Variants in BLZF1 observed in about 807,000 individuals in gnomAD.
The protein encoded by BLZF1 is basic leucine zipper nuclear factor 1.
BLZF1 carries 39 observed loss-of-function variants against 43.8 expected under a neutral mutation model. That is an observed-to-expected ratio of 0.89 (90% CI 0.69 to 1.16). The LOEUF (loss-of-function observed/expected upper bound fraction) is 1.16, where lower values mean the gene tolerates loss of function less well. BLZF1 is among the 50% of genes most tolerant of loss of function. The pLI is 0.00. For missense variants in BLZF1, 449 were observed against 469.8 expected (o/e 0.96, Z 0.41); for synonymous variants, 136 against 159.4 (o/e 0.85, Z 1.11).
chr1:169,385,480 T>C (rs1274326630), intron 6 of BLZF1, among the ~76,000 whole-genome samples: 2 of 152,160 alleles, frequency 1.3e-5, no homozygotes, highest in Non-Finnish European at 2.9e-5. Flanking sequence ...ACAGAAACCT[T>C]TCTGTTCATA....
At position 169,387,538 on chromosome 1, in the gene BLZF1, C is replaced by G. The variant is rs1654711364; in HGVS notation, c.*356C>G. ...TATGAACAGTGTTAATTTAGATGCA[C>G]TAAAGCAAAGGTAGGCAAACTACAA... On this transcript the variant is annotated 3_prime_UTR_variant, in exon 7 of 7. Coordinates refer to ENST00000367808, the MANE Select transcript of BLZF1 (RefSeq NM_001320973.2). 6.0e-6 allele frequency: 1 copy of G among 168,012 alleles called. No individual in the cohort carries two copies. Among genetic ancestry groups the G allele is most frequent in the Middle Eastern group, 2.7e-3 (1 of 370 alleles). 10.4% of individuals were successfully genotyped at this position (168,012 alleles called of 1,614,324 possible). A position where few individuals can be genotyped will look rare whatever the true frequency, so the allele number is the denominator to read the frequency against.
chr1:169,378,271 T>G lies in BLZF1; in HGVS notation c.469-59T>G, dbSNP rs928360694. On this transcript the variant is annotated intron_variant, in intron 3 of 6. Coordinates refer to ENST00000367808, the MANE Select transcript of BLZF1 (RefSeq NM_001320973.2). ...ACACAGTCTCTTTTTGTTAATTTTGTTACATTAAAGTTAGTGATATTACTT... is the reference window on the plus strand; with the variant it reads ...ACACAGTCTCTTTTTGTTAATTTTGGTACATTAAAGTTAGTGATATTACTT... 2.0e-6 allele frequency: 3 copies of G among 1,496,802 alleles called. No homozygotes were observed. The African/African-American group carries it at 4.2e-5, about 21-fold the overall frequency. 92.7% of individuals were successfully genotyped at this position (1,496,802 alleles called of 1,614,324 possible).
intron 2 of BLZF1, among the ~76,000 whole-genome samples, chr1:169,376,318 C>G (rs888034933): frequency 6.6e-6 from 1 of 152,012 alleles, no homozygotes; most frequent in Non-Finnish European, 1.5e-5. Context: ...AAGTAAAAGT[C>G]AGAACCAAAT....
intron 4 of BLZF1, among the ~76,000 whole-genome samples, chr1:169,379,964 T>C (rs377098544): frequency 6.6e-6 from 1 of 151,956 alleles, no homozygotes; most frequent in East Asian, 1.9e-4. Flanking sequence ...CATGTATATG[T>C]TGAAATATAC....
chr1:169,372,033 G>T (rs1557845561), intron 2 of BLZF1, among the ~76,000 whole-genome samples: 2 of 152,160 alleles, frequency 1.3e-5, no homozygotes, highest in Non-Finnish European at 2.9e-5. Flanking sequence ...TAGAGATGCA[G>T]TATGCAACAT....
intron 4 of BLZF1, 76 bp downstream of exon 4, chr1:169,378,605 T>A: frequency 7.1e-7 from 1 of 1,401,306 alleles, no homozygotes; most frequent in Non-Finnish European, 9.9e-7. Flanking sequence ...CACAAGAAAG[T>A]AGATTGTAGT....
chr1:169,377,465 G>A (rs1654396173), intron 3 of BLZF1: 1 of 153,214 alleles, frequency 6.5e-6, no homozygotes, highest in Non-Finnish European at 1.5e-5. Context: ...AGTAAAAATT[G>A]CCTTGCCCCT....
intron 6 of BLZF1, among the ~76,000 whole-genome samples, 169 bp downstream of exon 6, chr1:169,382,450 T>C (rs1475438762): frequency 1.3e-5 from 2 of 152,156 alleles, no homozygotes. Flanking sequence ...TTCTGCGCTT[T>C]AATATTTTCT....
In BLZF1 at chr1:169,378,354, CTG is replaced by C. The variant is rs754776608; in HGVS notation, c.494_495del (p.Leu165ArgfsTer7). Reference sequence around the variant, plus strand: ...GGTAAATCGTGAGTTAAAAAAGTTACTGGTGGCTTCTGTTGGGGATGATCTTC... The same window carrying C: ...GGTAAATCGTGAGTTAAAAAAGTTACGTGGCTTCTGTTGGGGATGATCTTC... The part of the protein sequence containing the change: ...TEVNRELKKL[L>X]VASVGDDLQY... On this transcript the variant is annotated frameshift_variant, in exon 4 of 7. Coordinates refer to ENST00000367808, the MANE Select transcript of BLZF1 (RefSeq NM_001320973.2). LOFTEE classifies it high-confidence loss of function. The C allele has an allele frequency of 1.5e-5, 24 of 1,612,460 alleles. No homozygotes were observed. The highest frequency in any genetic ancestry group is 8.5e-6 in the Non-Finnish European group (10 of 1,178,960).
Position 169,378,715 on chromosome 1 carries a change from T to C in BLZF1, c.668+186T>C, listed in dbSNP as rs116479321. On this transcript the variant is annotated intron_variant, in intron 4 of 6. Transcript: ENST00000367808. ...AGTCTCCCTAAATGAAGAAGTGATA[T>C]AAGGATCATCCCTTATTCCTGAGTT... Among the ~76,000 whole-genome samples the C allele has an allele frequency of 9.1e-4, 138 of 152,082 alleles. 1 individual carries two copies. The highest frequency in any genetic ancestry group is 3.2e-3 in the African/African-American group (131 of 41,524).
chr1:169,368,604 G>A (rs1163120219), intron 1 of BLZF1, among the ~76,000 whole-genome samples: 5 of 152,140 alleles, frequency 3.3e-5, no homozygotes, highest in African/African-American at 9.7e-5. Flanking sequence ...TTGCCAGCAG[G>A]CACTCGCTGT....
At chr1:169,386,461 C>T (rs1654670316) in intron 6 of BLZF1, among the ~76,000 whole-genome samples, 1 of 151,960 alleles carries the variant, frequency 6.6e-6, no homozygotes, top group South Asian at 2.1e-4. Flanking sequence ...AGGCAGATCA[C>T]AAGGTCAGGA....
At chr1:169,389,456 A>T (rs774942770), downstream of BLZF1, among the ~76,000 whole-genome samples, 6 of 152,242 alleles carry the variant, frequency 3.9e-5, no homozygotes, top group Admixed American at 6.5e-5. Context: ...GATGGCAGTT[A>T]TCAAAAAAGC....
At chr1:169,386,723 CTA>C (rs1654683851) in intron 6 of BLZF1, among the ~76,000 whole-genome samples, 1 of 150,236 alleles carries the variant, frequency 6.7e-6, no homozygotes, top group Non-Finnish European at 1.5e-5. Flanking sequence ...TCATTTTCTT[CTA>C]TGTTTTCCTG....
chr1:169,389,900 TGTA>T (rs1213541200), downstream of BLZF1, among the ~76,000 whole-genome samples: 2 of 152,154 alleles, frequency 1.3e-5, no homozygotes, highest in African/African-American at 4.8e-5. Flanking sequence ...GAGACAAATT[TGTA>T]GAGATGGAAA....
intron 7 of BLZF1, among the ~76,000 whole-genome samples, chr1:169,395,428 C>T (rs574929814): frequency 2.5e-4 from 38 of 152,274 alleles, no homozygotes; most frequent in Non-Finnish European, 4.6e-4. Context: ...AATTGTCTGT[C>T]TTACAATGAA....
Position 169,380,435 on chromosome 1 carries a change from GTAT to G in BLZF1, c.669-41_669-39del, listed in dbSNP as rs1202279816. ...AGTAGTATATTCAATTTTTTACACT[GTAT>G]TATTGTCAGCAAATTTATATGTAAG... On this transcript the variant is annotated intron_variant, in intron 4 of 6. Coordinates refer to ENST00000367808, the MANE Select transcript of BLZF1 (RefSeq NM_001320973.2). 5.1e-6 allele frequency: 8 copies of G among 1,582,602 alleles called. No homozygotes were observed. The Admixed American group carries it at 1.4e-4, about 27-fold the overall frequency.
At position 169,387,237 on chromosome 1, in the gene BLZF1, AT is replaced by A; in HGVS notation, c.*57del. 6.6e-7 allele frequency: 1 copy of A among 1,503,876 alleles called. No individual in the cohort carries two copies. The highest frequency in any genetic ancestry group is 2.3e-5 in the East Asian group (1 of 43,360). The allele number at this position is 1,503,876 out of a possible 1,614,324, so 93.2% of individuals were successfully genotyped here. On this transcript the variant is annotated 3_prime_UTR_variant, in exon 7 of 7. Transcript: ENST00000367808. The stretch of plus-strand genomic sequence containing the variant: ...ACTTCCTTATTACCCAAGAGTCATT[AT>A]TATTTGGGAGCTGGGGTTCTTACAA...
At chr1:169,395,112 G>C in intron 7 of BLZF1, 3 of 1,613,740 alleles carry the variant, frequency 1.9e-6, no homozygotes, top group Non-Finnish European at 2.5e-6. Flanking sequence ...TGCTGTAACT[G>C]TTTAGAACGC....
Sources: allele counts gnomAD v4.1 joint callset (sites outside exome capture counted in the v4.1 genomes callset), GRCh38; gene constraint gnomAD v4.1.1; transcripts MANE v1.5; gene names NCBI Gene and HGNC (gene_info 2026-07-23, HGNC 2026-07-21).